The following ADAR variants were observed in gnomAD, a reference collection of about 807,000 sequenced individuals.
ADAR encodes the protein double-stranded RNA-specific adenosine deaminase.
ADAR carries 41 observed loss-of-function variants against 113.2 expected under a neutral mutation model. The observed-to-expected ratio is 0.36, with a 90% CI of 0.28 to 0.47. ADAR has a LOEUF of 0.47. Among genes scored for constraint, ADAR ranks in the 20% least tolerant of loss-of-function variants. ADAR has a pLI of 1.00. For synonymous variants in ADAR, 605 were observed against 572.6 expected (o/e 1.06, Z -0.81); for missense variants, 1,242 against 1,540.9 (o/e 0.81, Z 3.25).
At chr1:154,605,404 C>T (rs968792283) in intron 1 of ADAR, among the ~76,000 whole-genome samples, 1 of 137,852 alleles carries the variant, frequency 7.3e-6, no homozygotes, top group African/African-American at 2.6e-5. Flanking sequence ...ACCTGTTAAA[C>T]CATTTACTTT....
rs370579574 is a variant in ADAR at position 154,622,703 on chromosome 1, C to G, written c.-871+5152G>C. 7.2e-5 allele frequency among the ~76,000 whole-genome samples: 11 copies of G among 152,242 alleles called. No homozygotes were observed. In the South Asian group the frequency reaches 2.3e-3, roughly 32 times the overall value. ...AGAGGTGTGCTACCTTCCTGGGATG[C>G]CATGGTACTCAAGTTTCAGATCTTT... On this transcript the variant is annotated intron_variant, in intron 1 of 14. Coordinates refer to the ADAR transcript ENST00000368471.
Position 154,582,748 on chromosome 1 carries a change from T to C in ADAR, c.*2058A>G, listed in dbSNP as rs1203398941. On this transcript the variant is annotated 3_prime_UTR_variant, in exon 15 of 15. Transcript: ENST00000368474. ...CTGAGGACTCAGCAGGTGACAACCC[T>C]GTAGCCTGAAGAGGAGAGGGGCTGC... is the stretch of plus-strand genomic sequence containing the variant. 6.6e-6 allele frequency: 1 copy of C among 152,236 alleles called. No individual in the cohort carries two copies. Among genetic ancestry groups the C allele is most frequent in the Non-Finnish European group, 1.5e-5 (1 of 68,100 alleles). 9.4% of individuals were successfully genotyped at this position (152,236 alleles called of 1,614,324 possible). A position where few individuals can be genotyped will look rare whatever the true frequency, so the allele number is the denominator to read the frequency against.
intron 12 of ADAR, 99 bp downstream of exon 12, chr1:154,586,082 T>C: frequency 1.3e-6 from 2 of 1,484,466 alleles, no homozygotes; most frequent in Non-Finnish European, 1.9e-6. Flanking sequence ...CATGCTCACT[T>C]TGATAAGGGA....
intron 1 of ADAR, among the ~76,000 whole-genome samples, chr1:154,626,507 C>T (rs906852273): frequency 2.6e-5 from 4 of 152,152 alleles, no homozygotes; most frequent in Admixed American, 1.3e-4. Flanking sequence ...TCCACTACCA[C>T]CCCCAAGTCT....
intron 6 of ADAR, among the ~76,000 whole-genome samples, chr1:154,591,579 A>C (rs1697151365): frequency 1.3e-5 from 2 of 152,262 alleles, no homozygotes; most frequent in African/African-American, 4.8e-5. Flanking sequence ...TTCCAAACAC[A>C]GAGGGAAGAG....
chr1:154,587,445 C>A (rs1696837196), intron 11 of ADAR, among the ~76,000 whole-genome samples: 1 of 152,160 alleles, frequency 6.6e-6, no homozygotes, highest in African/African-American at 2.4e-5. Flanking sequence ...GTGAGTAATG[C>A]TGCCATGAAC....
chr1:154,586,597 G>A (rs1350049292), intron 11 of ADAR, among the ~76,000 whole-genome samples: 2 of 152,208 alleles, frequency 1.3e-5, no homozygotes, highest in Non-Finnish European at 2.9e-5. Flanking sequence ...AGATTGAAAG[G>A]GAAGAGAATA....
At chr1:154,625,433 G>T (rs1386052880) in intron 1 of ADAR, among the ~76,000 whole-genome samples, 1 of 152,206 alleles carries the variant, frequency 6.6e-6, no homozygotes, top group Non-Finnish European at 1.5e-5. Context: ...TTAATGTCAG[G>T]ACCTTAGCCA....
At chr1:154,619,522 C>G (rs1698729503) in intron 1 of ADAR, among the ~76,000 whole-genome samples, 1 of 152,144 alleles carries the variant, frequency 6.6e-6, no homozygotes, top group Non-Finnish European at 1.5e-5. Flanking sequence ...GTGGGCTAAC[C>G]TGTGATTTTA....
intron 1 of ADAR, among the ~76,000 whole-genome samples, chr1:154,603,843 A>G (rs927857701): frequency 2.0e-5 from 3 of 152,186 alleles, no homozygotes; most frequent in African/African-American, 7.2e-5. Flanking sequence ...GCACAGGTAG[A>G]GGTGGGACCC....
chr1:154,596,790 G>A lies in ADAR; in HGVS notation c.2270+15C>T, dbSNP rs767695392. ...AACTGGTGACACATGCATTAGCCAG[G>A]ACTAGGACACTCACTTGGGCTCGTG... On this transcript the variant is annotated intron_variant, in intron 6 of 14. Coordinates refer to ENST00000368474, the MANE Select transcript of ADAR (RefSeq NM_001111.5). 4.3e-6 allele frequency: 7 copies of A among 1,612,360 alleles called. 1 individual carries two copies. The highest frequency in any genetic ancestry group is 2.2e-5 in the East Asian group (1 of 44,882).
chr1:154,587,264 C>G (rs963889633), intron 11 of ADAR, among the ~76,000 whole-genome samples: 5 of 152,160 alleles, frequency 3.3e-5, no homozygotes, highest in Non-Finnish European at 5.9e-5. Flanking sequence ...TTGTGACTGG[C>G]TTTTTTCATT....
At chr1:154,610,800 C>G (rs1698457969), upstream of ADAR, among the ~76,000 whole-genome samples, 1 of 81,308 alleles carries the variant, frequency 1.2e-5, no homozygotes, top group Non-Finnish European at 2.3e-5. Flanking sequence ...CAGAGCAAGA[C>G]ACCGTCTCAA....
chr1:154,590,140 G>GGGGGCC, intron 7 of ADAR, 44 bp downstream of exon 7: 3 of 1,373,182 alleles, frequency 2.2e-6, no homozygotes, highest in Non-Finnish European at 2.0e-6. Flanking sequence ...GAGTTAGGAG[G>GGGGGCC]ACCCCCCCGC....
chr1:154,598,180 A>T (rs969396647), intron 3 of ADAR, among the ~76,000 whole-genome samples: 1 of 152,172 alleles, frequency 6.6e-6, no homozygotes, highest in African/African-American at 2.4e-5. Context: ...GTCTCTTTCA[A>T]GTCCGAAATT....
chr1:154,589,775 C>A lies in ADAR; in HGVS notation c.2650G>T (p.Val884Phe). Residue 884 changes from valine (V) to phenylalanine (F), a missense_variant, in exon 8 of 15, where the codon GTC becomes TTC. Transcript: ENST00000368474. ...CACTCACCTGTTCCCAAGCTGACGA[C>A]GACACCCATGTCCTCAGAGTCTTTT... Reference protein sequence around the residue: ...MKKDSEDMGVVVSLGTGNRCV... With the variant: ...MKKDSEDMGVFVSLGTGNRCV... The A allele has an allele frequency of 6.2e-7, 1 of 1,614,112 alleles. No individual in the cohort carries two copies. The highest frequency in any genetic ancestry group is 8.5e-7 in the Non-Finnish European group (1 of 1,180,020).
At chr1:154,596,742 TC>T in intron 6 of ADAR, 62 bp downstream of exon 6, 4 of 1,591,866 alleles carry the variant, frequency 2.5e-6, no homozygotes, top group Non-Finnish European at 3.4e-6. Flanking sequence ...ACCCTTGTTT[TC>T]CCTGGGTTAC....
Position 154,596,858 on chromosome 1 carries a change from G to C in ADAR, c.2217C>G (p.Gly739=). Residue 739 remains glycine (G), a synonymous_variant, in exon 6 of 15, where the codon GGC becomes GGG. Coordinates refer to ENST00000368474, the MANE Select transcript of ADAR (RefSeq NM_001111.5). ...GGLLEYARSH[G]FAAEFKLVDQ... is the part of the protein sequence containing the mutation. ...CGACCAACTTGAATTCAGCAGCAAA[G>C]CCATGGGAGCGGGCGTACTCCAAAA... 6.2e-7 allele frequency: 1 copy of C among 1,614,110 alleles called. No individual in the cohort carries two copies. Among genetic ancestry groups the C allele is most frequent in the Non-Finnish European group, 8.5e-7 (1 of 1,180,040 alleles).
chr1:154,611,895 T>C (rs1477573682), upstream of ADAR, among the ~76,000 whole-genome samples: 1 of 152,252 alleles, frequency 6.6e-6, no homozygotes, highest in Non-Finnish European at 1.5e-5. Context: ...TCTAGCTCTA[T>C]AGGTGCATTC....
Sources: allele counts gnomAD v4.1 joint callset (sites outside exome capture counted in the v4.1 genomes callset), GRCh38; gene constraint gnomAD v4.1.1; transcripts MANE v1.5; gene names NCBI Gene and HGNC (gene_info 2026-07-23, HGNC 2026-07-21).